The following CCDC171 variants were observed in gnomAD, a reference collection of about 807,000 sequenced individuals.
CCDC171 encodes coiled-coil domain containing 171, also known as coiled-coil domain-containing protein 171.
Under a neutral mutation model 168.2 loss-of-function variants are expected in CCDC171, and 177 were observed. That is an observed-to-expected ratio of 1.05 (90% CI 0.93 to 1.19). The LOEUF (loss-of-function observed/expected upper bound fraction) is 1.19, where lower values mean the gene tolerates loss of function less well. Among genes scored for constraint, CCDC171 ranks in the 50% most tolerant of loss-of-function variants. The pLI is 0.00. For synonymous variants in CCDC171, 687 were observed against 540.8 expected, an observed-to-expected ratio of 1.27 and a Z score of -3.75; for missense variants, 1,991 against 1,539.0, an observed-to-expected ratio of 1.29 and a Z score of -4.91.
intron 10 of CCDC171, among the ~76,000 whole-genome samples, chr9:15,685,710 T>C (rs2050346822): frequency 6.6e-6 from 1 of 152,070 alleles, no homozygotes. Context: ...ACTGTGTGAA[T>C]GAAGAGTGGA....
intron 5 of CCDC171, among the ~76,000 whole-genome samples, chr9:15,593,034 C>T (rs914396446): frequency 6.6e-6 from 1 of 152,108 alleles, no homozygotes; most frequent in South Asian, 2.1e-4. Context: ...TCCCCCACCC[C>T]ACAACAGTCC....
the CCDC171 span, among the ~76,000 whole-genome samples, chr9:16,092,089 T>C: frequency 0.33 from 50,662 of 152,110 alleles, 8,676 homozygotes; most frequent in Non-Finnish European, 0.37. Context: ...TTGAGCTCTG[T>C]GCTACTTTTC....
rs565898766 is a variant in CCDC171, at chr9:15,991,475, C to G, written n.369-29114C>G. On this transcript the variant is annotated intron_variant and non_coding_transcript_variant, in intron 3 of 9. Coordinates refer to the CCDC171 transcript ENST00000486641. The stretch of plus-strand genomic sequence containing the variant: ...AGCACTAAATGCCCACAAGAGAAAA[C>G]AGGAAAGATCTAAAATTGACACCCT... Among the ~76,000 whole-genome samples, 156 of 149,370 alleles carry G rather than the reference C, an allele frequency of 1.0e-3. 1 individual carries two copies. Among genetic ancestry groups the G allele is most frequent in the Non-Finnish European group, 1.7e-3 (117 of 68,004 alleles).
the CCDC171 span, among the ~76,000 whole-genome samples, chr9:16,076,494 G>A: frequency 0.46 from 70,329 of 151,976 alleles, 18,599 homozygotes; most frequent in African/African-American, 0.74. Flanking sequence ...AGAAGCAGAA[G>A]CCTTACCTGC....
intron 23 of CCDC171, among the ~76,000 whole-genome samples, chr9:15,855,907 T>G (rs1261430910): frequency 6.6e-6 from 1 of 152,022 alleles, no homozygotes; most frequent in African/African-American, 2.4e-5. Context: ...ATGATTGTTT[T>G]ATATAGTTGT....
intron 25 of CCDC171, among the ~76,000 whole-genome samples, chr9:15,950,997 T>TA: frequency 6.6e-6 from 1 of 150,902 alleles, no homozygotes; most frequent in Non-Finnish European, 1.5e-5. Flanking sequence ...AAACAGACTT[T>TA]AAACCAACAA....
chr9:15,558,996 C>T (rs929071865), intron 1 of CCDC171, among the ~76,000 whole-genome samples: 2 of 152,014 alleles, frequency 1.3e-5, no homozygotes, highest in Non-Finnish European at 1.5e-5. Flanking sequence ...ATGTACCCAG[C>T]AGTCATTCAG....
chr9:16,004,090 A>G (rs1158247759), intron 3 of CCDC171, among the ~76,000 whole-genome samples: 2 of 152,194 alleles, frequency 1.3e-5, no homozygotes, highest in Non-Finnish European at 2.9e-5. Context: ...AGAAAGGAAC[A>G]CGCGGGAGTT....
chr9:15,682,008 C>G (rs1336364988), intron 10 of CCDC171, among the ~76,000 whole-genome samples: 2 of 151,974 alleles, frequency 1.3e-5, no homozygotes, highest in Admixed American at 6.6e-5. Context: ...GGTAATTTTT[C>G]TTCCCTTTTG....
At chr9:15,776,798 T>C (rs958375919) in intron 18 of CCDC171, among the ~76,000 whole-genome samples, 1 of 152,240 alleles carries the variant, frequency 6.6e-6, no homozygotes, top group African/African-American at 2.4e-5. Flanking sequence ...GTGCTTATGA[T>C]GTAAAGACAA....
intron 23 of CCDC171, among the ~76,000 whole-genome samples, chr9:15,872,518 A>G (rs1158598113): frequency 1.3e-5 from 2 of 151,988 alleles, no homozygotes; most frequent in East Asian, 1.9e-4. Flanking sequence ...CTTTGCCCGT[A>G]TTAGCAATCT....
intron 7 of CCDC171, among the ~76,000 whole-genome samples, chr9:15,645,479 G>A (rs1323499829): frequency 6.6e-6 from 1 of 152,110 alleles, no homozygotes; most frequent in African/African-American, 2.4e-5. Context: ...AGCCCATTGT[G>A]AAGAAGCTAA....
intron 22 of CCDC171, among the ~76,000 whole-genome samples, chr9:15,847,191 C>T (rs2060934843): frequency 6.6e-6 from 1 of 151,986 alleles, no homozygotes; most frequent in Non-Finnish European, 1.5e-5. Context: ...TTCCTATTCT[C>T]TTCTGCTCCA....
the CCDC171 span, among the ~76,000 whole-genome samples, chr9:16,106,658 C>T: frequency 6.6e-6 from 1 of 152,198 alleles, no homozygotes; most frequent in Non-Finnish European, 1.5e-5. Context: ...GAAGTCAGAT[C>T]TTCCGCCTAA....
chr9:15,779,309 G>A (rs1324505566), intron 20 of CCDC171, among the ~76,000 whole-genome samples, 159 bp downstream of exon 20: 6 of 151,996 alleles, frequency 3.9e-5, no homozygotes, highest in Non-Finnish European at 8.8e-5. Flanking sequence ...TGTCTAAAAT[G>A]CCTCTAATTG....
At chr9:15,555,265 C>G (rs552346921) in intron 1 of CCDC171, among the ~76,000 whole-genome samples, 1 of 152,182 alleles carries the variant, frequency 6.6e-6, no homozygotes, top group African/African-American at 2.4e-5. Context: ...TAGTTCAACT[C>G]CACTATCAAA....
chr9:15,671,701 T>C (rs544499739), intron 9 of CCDC171, among the ~76,000 whole-genome samples: 16 of 152,108 alleles, frequency 1.1e-4, no homozygotes, highest in Admixed American at 9.2e-4. Context: ...TCCTTTTTTA[T>C]GGCTGTATAG....
intron 2 of CCDC171, among the ~76,000 whole-genome samples, chr9:15,564,660 G>A (rs1330694733): frequency 1.7e-4 from 26 of 152,150 alleles, no homozygotes; most frequent in Admixed American, 1.5e-3. Context: ...TGGGCGTGGC[G>A]CCTACCTTTA....
chr9:15,782,130 A>ATT (rs2057698149), intron 20 of CCDC171, among the ~76,000 whole-genome samples: 1 of 152,180 alleles, frequency 6.6e-6, no homozygotes, highest in South Asian at 2.1e-4. Flanking sequence ...GCCTGCAACC[A>ATT]TTTGTCTCTC....
Sources: gnomAD v4.1 joint callset for allele counts (sites outside exome capture counted in the v4.1 genomes callset) on GRCh38, gnomAD v4.1.1 for gene constraint, MANE v1.5 for transcripts, NCBI Gene and HGNC (gene_info 2026-07-23, HGNC 2026-07-21) for gene names.